Variants in MESD observed in about 807,000 individuals in gnomAD.
MESD encodes the protein mesoderm development LRP chaperone, also known as LRP chaperone MESD.
MESD carries 7 observed loss-of-function variants against 12.9 expected under a neutral mutation model. The observed-to-expected ratio is 0.54, with a 90% CI of 0.31 to 1.02. The LOEUF is 1.02. Ranked by LOEUF, MESD falls within the 50% of genes least tolerant of loss-of-function variation. The probability of loss-of-function intolerance (pLI) is 0.05; values close to 1 mark genes in which losing one functional copy is unlikely to be tolerated. For missense variants in MESD, 342 were observed against 296.7 expected, an observed-to-expected ratio of 1.15 and a Z score of -1.12; for synonymous variants, 126 against 115.6, an observed-to-expected ratio of 1.09 and a Z score of -0.58.
intron 3 of MESD, among the ~76,000 whole-genome samples, chr15:80,960,164 G>A (rs561131984): frequency 6.6e-6 from 1 of 152,182 alleles, no homozygotes; most frequent in East Asian, 1.9e-4. Flanking sequence ...AGGAGTTCAA[G>A]GCCAGCCAGG....
At position 80,982,088 on chromosome 15, in the gene MESD, C is replaced by T; in HGVS notation, c.308G>A (p.Ser103Asn). ...CCCTTTTTTCGTCATTTTCAATATG[C>T]TTTCAGGCTTGCTTGGGTCTATCTT... ...FSKIDPSKPE[S>N]ILKMTKKGKT... is the part of the protein sequence containing the mutation. Residue 103 changes from serine to asparagine, a missense_variant, in exon 2 of 3, where the codon AGC (serine) becomes AAC (asparagine). Coordinates refer to ENST00000261758, the MANE Select transcript of MESD (RefSeq NM_015154.3). 2 of 1,614,092 alleles carry T rather than the reference C, an allele frequency of 1.2e-6. No individual in the cohort carries two copies. Among genetic ancestry groups the T allele is most frequent in the Non-Finnish European group, 1.7e-6 (2 of 1,180,026 alleles).
chr15:80,954,938 A>G (rs1033246997), intron 3 of MESD, among the ~76,000 whole-genome samples: 1 of 152,214 alleles, frequency 6.6e-6, no homozygotes, highest in African/African-American at 2.4e-5. Flanking sequence ...AGGAAAGCCA[A>G]AAGATTGGAT....
chr15:80,952,937 C>T (rs1421577718), intron 3 of MESD: 1 of 455,574 alleles, frequency 2.2e-6, no homozygotes, highest in Non-Finnish European at 4.4e-6. Context: ...ATGAAATTAC[C>T]TGCCCAATGA....
At chr15:80,979,788 G>A (rs1902525248) in intron 2 of MESD, among the ~76,000 whole-genome samples, 1 of 152,228 alleles carries the variant, frequency 6.6e-6, no homozygotes, top group Non-Finnish European at 1.5e-5. Flanking sequence ...TGGCTCAGGG[G>A]CTGCTGCTGG....
At chr15:80,953,414 T>G (rs772996308) in intron 3 of MESD, among the ~76,000 whole-genome samples, 1 of 150,850 alleles carries the variant, frequency 6.6e-6, no homozygotes, top group Non-Finnish European at 1.5e-5. Context: ...CACAGAGAGG[T>G]TGGGGTGGAG....
chr15:80,952,941 C>T, intron 3 of MESD: 1 of 455,678 alleles, frequency 2.2e-6, no homozygotes, highest in South Asian at 1.6e-5. Context: ...AATTACCTGC[C>T]CAATGAGTGG....
chr15:80,975,049 G>A (rs1271028626), downstream of MESD, among the ~76,000 whole-genome samples: 1 of 151,730 alleles, frequency 6.6e-6, no homozygotes, highest in Non-Finnish European at 1.5e-5. Flanking sequence ...GAAAGACAGG[G>A]GTGGCCTCAC....
At chr15:80,952,376 C>A in intron 3 of MESD, 1 of 305,772 alleles carries the variant, frequency 3.3e-6, no homozygotes, top group East Asian at 9.3e-5. Flanking sequence ...AGGAGGGCAG[C>A]CACTAGCTTC....
chr15:80,965,979 A>T (rs1025384076), intron 3 of MESD, among the ~76,000 whole-genome samples: 1 of 152,208 alleles, frequency 6.6e-6, no homozygotes, highest in Non-Finnish European at 1.5e-5. Context: ...AGAAAAAACA[A>T]ATTGGCTAAA....
At chr15:80,989,258 G>A (rs1430372617) in intron 1 of MESD, among the ~76,000 whole-genome samples, 1 of 152,158 alleles carries the variant, frequency 6.6e-6, no homozygotes, top group Non-Finnish European at 1.5e-5. Context: ...AAGAATCAAC[G>A]CAAAGACAAC....
At chr15:80,946,910 C>A, downstream of MESD, 1 of 1,221,460 alleles carries the variant, frequency 8.2e-7, no homozygotes, top group Non-Finnish European at 1.2e-6. Context: ...CTCCCCATGC[C>A]CACTTTCTCC....
chr15:80,955,830 C>T (rs1403930873), intron 3 of MESD, among the ~76,000 whole-genome samples: 1 of 151,964 alleles, frequency 6.6e-6, no homozygotes, highest in African/African-American at 2.4e-5. Context: ...CCATGTTGGC[C>T]AGGCTAGTCT....
rs1288664463 is a variant in MESD at position 80,960,977 on chromosome 15, T to C, written c.*289-8681A>G. Among the ~76,000 whole-genome samples the C allele has an allele frequency of 5.9e-5, 9 of 152,292 alleles. No homozygotes were observed. In the South Asian group the frequency reaches 1.7e-3, roughly 28 times the overall value. On this transcript the variant is annotated intron_variant, in intron 3 of 4. Coordinates refer to the MESD transcript ENST00000561312. Reference sequence around the variant, plus strand: ...TTCATGCCACTGTCTCCCTTTTTACTGTGTCTCTGTGAGTTGACTGTATCC... The same window carrying C: ...TTCATGCCACTGTCTCCCTTTTTACCGTGTCTCTGTGAGTTGACTGTATCC...
intron 3 of MESD, among the ~76,000 whole-genome samples, chr15:80,970,245 T>C (rs573972665): frequency 5.3e-5 from 8 of 152,320 alleles, no homozygotes; most frequent in Non-Finnish European, 1.2e-4. Context: ...GGGTACATCC[T>C]TTAATTTTTA....
chr15:80,972,240 T>A (rs973763151), downstream of MESD, among the ~76,000 whole-genome samples: 2 of 152,132 alleles, frequency 1.3e-5, no homozygotes, highest in Admixed American at 1.3e-4. Flanking sequence ...GCTCTCAGAA[T>A]TCAAGGAAAA....
intron 3 of MESD, among the ~76,000 whole-genome samples, chr15:80,959,618 G>A (rs1179568199): frequency 2.0e-5 from 3 of 152,118 alleles, no homozygotes; most frequent in South Asian, 4.2e-4. Flanking sequence ...CTGCCATAAC[G>A]GAGAACACTT....
At position 80,989,793 on chromosome 15, in the gene MESD, T is replaced by C. The variant is rs1238416764; in HGVS notation, c.-2A>G. 1.9e-6 allele frequency: 3 copies of C among 1,571,912 alleles called. No individual in the cohort carries two copies. Among genetic ancestry groups the C allele is most frequent in the Admixed American group, 1.8e-5 (1 of 54,972 alleles). ...GCGCGCCCACCTGGAAGCCGCCATT[T>C]TCGCTGCGCCGCGCAGCGCCCTAGA... On this transcript the variant is annotated 5_prime_UTR_variant, in exon 1 of 3. Coordinates refer to ENST00000261758, the MANE Select transcript of MESD (RefSeq NM_015154.3).
At chr15:80,968,189 G>A (rs1404891801) in intron 3 of MESD, among the ~76,000 whole-genome samples, 2 of 152,260 alleles carry the variant, frequency 1.3e-5, no homozygotes, top group Non-Finnish European at 2.9e-5. Context: ...GTATCTGAGA[G>A]CAGAGCACCA....
At chr15:80,984,580 C>A (rs115017171) in intron 1 of MESD, among the ~76,000 whole-genome samples, 1,787 of 152,194 alleles carry the variant, frequency 0.012, 42 homozygotes, top group African/African-American at 0.042. Flanking sequence ...AAGCGATTGC[C>A]CGGGGCTGGC....
Sources: gnomAD v4.1 joint callset for allele counts (sites outside exome capture counted in the v4.1 genomes callset) on GRCh38, gnomAD v4.1.1 for gene constraint, MANE v1.5 for transcripts, NCBI Gene and HGNC (gene_info 2026-07-23, HGNC 2026-07-21) for gene names.